CPEB1: variants seen among roughly 807,000 people sequenced by gnomAD.
CPEB1 encodes cytoplasmic polyadenylation element-binding protein 1.
Under a neutral mutation model 65.8 loss-of-function variants are expected in CPEB1, and 7 were observed. That is an observed-to-expected ratio of 0.11 (90% CI 0.06 to 0.20). The LOEUF (loss-of-function observed/expected upper bound fraction) is 0.20. Ranked by LOEUF, CPEB1 falls within the 10% of genes least tolerant of loss-of-function variation. CPEB1 has a pLI of 1.00. For synonymous variants in CPEB1, 262 were observed against 260.0 expected (o/e 1.01, Z -0.08); for missense variants, 551 against 712.2 (o/e 0.77, Z 2.58).
At chr15:82,590,125 T>C (rs1474797548) in intron 3 of CPEB1, among the ~76,000 whole-genome samples, 1 of 149,414 alleles carries the variant, frequency 6.7e-6, no homozygotes, top group African/African-American at 2.5e-5. Flanking sequence ...CACATCTGTA[T>C]TCACAACATC....
chr15:82,564,676 C>T (rs1555454652), intron 4 of CPEB1, among the ~76,000 whole-genome samples: 1 of 152,150 alleles, frequency 6.6e-6, no homozygotes, highest in Non-Finnish European at 1.5e-5. Flanking sequence ...ATCGCCAAAA[C>T]AGAGGTTTAA....
chr15:82,588,488 A>G (rs576007728), intron 3 of CPEB1, among the ~76,000 whole-genome samples: 1 of 152,160 alleles, frequency 6.6e-6, no homozygotes, highest in Admixed American at 6.5e-5. Flanking sequence ...AGTTCTTTCC[A>G]TATCTGTATA....
At chr15:82,550,038 G>C (rs1443648185) in intron 9 of CPEB1, among the ~76,000 whole-genome samples, 1 of 152,148 alleles carries the variant, frequency 6.6e-6, no homozygotes, top group Non-Finnish European at 1.5e-5. Flanking sequence ...AAGTCCTCAA[G>C]AAAGGAAGGA....
chr15:82,592,445 C>T (rs564262463), intron 3 of CPEB1, among the ~76,000 whole-genome samples: 110 of 151,548 alleles, frequency 7.3e-4, no homozygotes, highest in Non-Finnish European at 1.2e-3. Flanking sequence ...GGGACTGGTA[C>T]GGCATGCCTG....
intron 3 of CPEB1, among the ~76,000 whole-genome samples, chr15:82,595,814 C>T (rs976540210): frequency 6.6e-6 from 1 of 152,164 alleles, no homozygotes; most frequent in African/African-American, 2.4e-5. Flanking sequence ...TATTTGGCAA[C>T]CTCTAATGTA....
At chr15:82,640,697 T>C (rs1359072857) in intron 1 of CPEB1, 1 of 152,166 alleles carries the variant, frequency 6.6e-6, no homozygotes, top group Non-Finnish European at 1.5e-5. Context: ...ATCAGAAGTA[T>C]AAGTCTTCAG....
chr15:82,648,147 C>A, upstream of CPEB1: 1 of 345,626 alleles, frequency 2.9e-6, no homozygotes, highest in Non-Finnish European at 5.2e-6. Flanking sequence ...CGGAACCCGG[C>A]GGGGACTGCC....
intron 1 of CPEB1, among the ~76,000 whole-genome samples, chr15:82,644,864 G>GT (rs2047375201): frequency 6.6e-6 from 1 of 152,224 alleles, no homozygotes; most frequent in Non-Finnish European, 1.5e-5. Flanking sequence ...TTGGTCACTA[G>GT]TTAAGTTTGG....
At chr15:82,608,730 T>A (rs1397946681) in intron 3 of CPEB1, among the ~76,000 whole-genome samples, 1 of 151,910 alleles carries the variant, frequency 6.6e-6, no homozygotes, top group Admixed American at 6.6e-5. Context: ...GAGGTCCTTA[T>A]TCTGCCATTT....
rs557656039 is a variant in CPEB1 at position 82,545,843 on chromosome 15, G to A, written c.1656+598C>T. 7.9e-5 allele frequency among the ~76,000 whole-genome samples: 12 copies of A among 152,230 alleles called. No individual in the cohort carries two copies. In the South Asian group the frequency reaches 1.7e-3, roughly 21 times the overall value. On this transcript the variant is annotated intron_variant, in intron 12 of 12. Coordinates refer to ENST00000684509, the MANE Select transcript of CPEB1 (RefSeq NM_001365242.1). ...TTAGGCAGCTGAGCCTGGCTCCCAC[G>A]TGCTGCTGACCACACCCAGCCAGGC...
chr15:82,599,403 C>T (rs976284842), intron 3 of CPEB1, among the ~76,000 whole-genome samples: 2 of 152,036 alleles, frequency 1.3e-5, no homozygotes, highest in African/African-American at 4.8e-5. Flanking sequence ...CCAATAAAGG[C>T]TGGCAAAGTT....
intron 3 of CPEB1, among the ~76,000 whole-genome samples, chr15:82,590,994 T>TA (rs2042209291): frequency 6.6e-6 from 1 of 152,358 alleles, no homozygotes; most frequent in East Asian, 1.9e-4. Flanking sequence ...CATGTGTTTT[T>TA]ATGGTAAAAC....
intron 3 of CPEB1, chr15:82,572,012 C>T (rs965964861): frequency 1.5e-4 from 34 of 228,394 alleles, no homozygotes; most frequent in Non-Finnish European, 5.1e-5. Context: ...GGCCAAGCAG[C>T]CCTCACGCAC....
chr15:82,572,997 A>T (rs1163485318), intron 3 of CPEB1: 1 of 1,519,892 alleles, frequency 6.6e-7, no homozygotes, highest in Non-Finnish European at 8.8e-7. Context: ...CAGACTCACC[A>T]GGCAGGCTGC....
Position 82,574,722 on chromosome 15 carries a change from C to CAAAAAAAAAAAAAAAAA in CPEB1, c.272-3207_272-3191dup, listed in dbSNP as rs534968367. Among the ~76,000 whole-genome samples, 25 of 53,498 alleles carry CAAAAAAAAAAAAAAAAA rather than the reference C, an allele frequency of 4.7e-4. 2 individuals carry two copies. Among genetic ancestry groups the CAAAAAAAAAAAAAAAAA allele is most frequent in the African/African-American group, 5.8e-4 (8 of 13,704 alleles). 35.1% of individuals were successfully genotyped at this position (53,498 alleles called of 152,430 possible). A position where few individuals can be genotyped will look rare whatever the true frequency, so the allele number is the denominator to read the frequency against. ...TGGGCAACAGAGCTAGACTCGGTCT[C>CAAAAAAAAAAAAAAAAA]AAAAAAAAAAAAAAAAAAAAAAAAA... On this transcript the variant is annotated intron_variant, in intron 3 of 12. Coordinates refer to ENST00000684509, the MANE Select transcript of CPEB1 (RefSeq NM_001365242.1).
rs938682296 is a variant in CPEB1 at position 82,544,486 on chromosome 15, G to C, written c.*106C>G. ...GCAAAGGTGACTACAATTTTCCCTT[G>C]TCCTTGGGAAGCCAGCTCCCTGGTC... On this transcript the variant is annotated 3_prime_UTR_variant, in exon 13 of 13. Coordinates refer to ENST00000684509, the MANE Select transcript of CPEB1 (RefSeq NM_001365242.1). The C allele has an allele frequency of 1.6e-4, 118 of 734,930 alleles. No homozygotes were observed. Among genetic ancestry groups the C allele is most frequent in the Non-Finnish European group, 1.9e-5 (8 of 432,250 alleles). 45.5% of individuals were successfully genotyped at this position (734,930 alleles called of 1,614,324 possible).
intron 3 of CPEB1, among the ~76,000 whole-genome samples, chr15:82,590,951 A>G (rs535443686): frequency 6.6e-6 from 1 of 152,256 alleles, no homozygotes; most frequent in South Asian, 2.1e-4. Flanking sequence ...TGTTTTTGCT[A>G]TTGTGAATAG....
At chr15:82,619,999 G>C (rs1196429572) in intron 3 of CPEB1, among the ~76,000 whole-genome samples, 1 of 152,154 alleles carries the variant, frequency 6.6e-6, no homozygotes, top group African/African-American at 2.4e-5. Context: ...CAACTCAAAT[G>C]CCTATTAACA....
At chr15:82,561,640 T>A (rs765432819) in intron 4 of CPEB1, among the ~76,000 whole-genome samples, 13 of 152,208 alleles carry the variant, frequency 8.5e-5, no homozygotes, top group Non-Finnish European at 1.8e-4. Context: ...TACAGACCCC[T>A]TTCCTCATTC....
Sources: allele counts gnomAD v4.1 joint callset (sites outside exome capture counted in the v4.1 genomes callset), GRCh38; gene constraint gnomAD v4.1.1; transcripts MANE v1.5; gene names NCBI Gene and HGNC (gene_info 2026-07-23, HGNC 2026-07-21).